The following CDK14 variants were observed in gnomAD, a reference collection of about 807,000 sequenced individuals.
CDK14 encodes cyclin-dependent kinase 14.
Under a neutral mutation model 60.7 loss-of-function variants are expected in CDK14, and 34 were observed. That is an observed-to-expected ratio of 0.56 (90% CI 0.43 to 0.75). The LOEUF (loss-of-function observed/expected upper bound fraction) is 0.75, where lower values mean the gene tolerates loss of function less well. Ranked by LOEUF, CDK14 falls within the 30% of genes least tolerant of loss-of-function variation. The pLI, the probability that CDK14 is intolerant of heterozygous loss-of-function variation, is 0.00. For missense variants in CDK14, 482 were observed against 564.1 expected, an observed-to-expected ratio of 0.85 and a Z score of 1.47; for synonymous variants, 197 against 203.7, an observed-to-expected ratio of 0.97 and a Z score of 0.28.
At chr7:91,092,664 T>A (rs1160648789) in intron 12 of CDK14, among the ~76,000 whole-genome samples, 1 of 152,198 alleles carries the variant, frequency 6.6e-6, no homozygotes, top group Non-Finnish European at 1.5e-5. Context: ...TTTAGGCTGT[T>A]TGATAATAGC....
chr7:91,164,736 T>C (rs1420730636), intron 14 of CDK14, among the ~76,000 whole-genome samples: 1 of 152,212 alleles, frequency 6.6e-6, no homozygotes, highest in South Asian at 2.1e-4. Context: ...CAGATGATTC[T>C]GCACTCCCAA....
chr7:90,639,881 C>G lies in CDK14; in HGVS notation c.123+35632C>G, dbSNP rs17866423. 5.0e-3 allele frequency among the ~76,000 whole-genome samples: 768 copies of G among 152,250 alleles called. 14 individuals carry two copies. The highest frequency in any genetic ancestry group is 0.018 in the African/African-American group (737 of 41,532). ...TGCAGTTTGATCTCAGACTGCTGTG[C>G]TAGCAATCGGCGAGACTCCGTGGGC... On this transcript the variant is annotated intron_variant, in intron 2 of 14. Transcript: ENST00000380050.
rs59773768 is a variant in CDK14, at chr7:90,668,699, C to CTTTTTTTTTTTTTTTTT, written c.124-57857_124-57841dup. 9.1e-5 allele frequency among the ~76,000 whole-genome samples: 8 copies of CTTTTTTTTTTTTTTTTT among 87,538 alleles called. 1 individual carries two copies. The highest frequency in any genetic ancestry group is 3.5e-4 in the African/African-American group (8 of 23,110). The allele number at this position is 87,538 out of a possible 152,430, so 57.4% of individuals were successfully genotyped here. The stretch of plus-strand genomic sequence containing the variant: ...TATGGTGTAAGGAAGGACTCGCATT[C>CTTTTTTTTTTTTTTTTT]TTTTTTTTTTTTTTTTTTTTTTTTT... On this transcript the variant is annotated intron_variant, in intron 2 of 14. Transcript: ENST00000380050.
intron 11 of CDK14, among the ~76,000 whole-genome samples, chr7:91,060,538 C>T (rs1187579624): frequency 1.3e-5 from 2 of 152,136 alleles, no homozygotes; most frequent in African/African-American, 4.8e-5. Context: ...GTGGCTGGTA[C>T]CGATTGTTCC....
chr7:90,735,479 G>A (rs765870058), intron 3 of CDK14, among the ~76,000 whole-genome samples: 2 of 152,200 alleles, frequency 1.3e-5, no homozygotes, highest in Non-Finnish European at 2.9e-5. Context: ...CCTGACTTGG[G>A]GCTGCTGCCT....
At chr7:90,999,357 G>A (rs963079946) in intron 10 of CDK14, among the ~76,000 whole-genome samples, 1 of 151,968 alleles carries the variant, frequency 6.6e-6, no homozygotes, top group African/African-American at 2.4e-5. Context: ...AGGAGGTCGA[G>A]GTGGGCAGAT....
chr7:90,643,958 G>A (rs1014500576), intron 2 of CDK14, among the ~76,000 whole-genome samples: 5 of 152,306 alleles, frequency 3.3e-5, no homozygotes, highest in East Asian at 1.9e-4. Context: ...ATATTGAAGC[G>A]CCAGTCTCCA....
intron 2 of CDK14, among the ~76,000 whole-genome samples, chr7:90,668,231 C>T (rs1451667180): frequency 1.3e-5 from 2 of 152,122 alleles, no homozygotes; most frequent in Non-Finnish European, 2.9e-5. Context: ...AGTGACATGT[C>T]TTTGTGATTT....
intron 2 of CDK14, among the ~76,000 whole-genome samples, chr7:90,638,960 G>A (rs541854317): frequency 1.1e-3 from 160 of 151,982 alleles, no homozygotes; most frequent in Admixed American, 4.8e-3. Flanking sequence ...CGTAGTTCTC[G>A]AGCCTTGGCT....
chr7:90,819,390 A>G (rs1481094781), intron 5 of CDK14, among the ~76,000 whole-genome samples: 1 of 152,136 alleles, frequency 6.6e-6, no homozygotes, highest in African/African-American at 2.4e-5. Context: ...ACATGCACAT[A>G]AATATACACA....
At chr7:91,190,778 C>G (rs1802336932) in intron 14 of CDK14, among the ~76,000 whole-genome samples, 1 of 149,172 alleles carries the variant, frequency 6.7e-6, no homozygotes, top group South Asian at 2.1e-4. Flanking sequence ...GCGTGAGCCA[C>G]CCCACCCAGC....
At chr7:91,150,894 T>C (rs1330684440) in intron 14 of CDK14, among the ~76,000 whole-genome samples, 2 of 152,314 alleles carry the variant, frequency 1.3e-5, no homozygotes, top group South Asian at 4.1e-4. Context: ...GCCTGAAAGA[T>C]AGATCTGAAT....
At chr7:90,909,250 A>T (rs940306887) in intron 7 of CDK14, among the ~76,000 whole-genome samples, 6 of 152,160 alleles carry the variant, frequency 3.9e-5, no homozygotes, top group African/African-American at 1.4e-4. Flanking sequence ...CTTGACAATG[A>T]CAGAGTAAGA....
At chr7:90,921,546 A>G (rs948977638) in intron 8 of CDK14, among the ~76,000 whole-genome samples, 3 of 152,274 alleles carry the variant, frequency 2.0e-5, no homozygotes, top group African/African-American at 7.2e-5. Flanking sequence ...TGTTTGCACT[A>G]TCTCTAGAAC....
At chr7:90,801,371 T>G (rs1383164049) in intron 5 of CDK14, among the ~76,000 whole-genome samples, 3 of 152,356 alleles carry the variant, frequency 2.0e-5, no homozygotes, top group East Asian at 3.8e-4. Context: ...GTTATTGTTA[T>G]TCATTTATTT....
intron 11 of CDK14, among the ~76,000 whole-genome samples, chr7:91,057,812 TGTA>T (rs1797633178): frequency 6.6e-6 from 1 of 152,208 alleles, no homozygotes; most frequent in Non-Finnish European, 1.5e-5. Flanking sequence ...ACTGTAGCCT[TGTA>T]GTATAGTTTG....
intron 5 of CDK14, 22 bp from the exon 6 acceptor site, chr7:90,863,153 C>T (rs756225098): frequency 7.4e-7 from 1 of 1,353,710 alleles, no homozygotes; most frequent in South Asian, 1.2e-5. Flanking sequence ...TAAATTGTTT[C>T]TCTGTCCATT....
chr7:90,908,660 G>A (rs1291443783), intron 7 of CDK14, among the ~76,000 whole-genome samples: 1 of 152,100 alleles, frequency 6.6e-6, no homozygotes, highest in Non-Finnish European at 1.5e-5. Flanking sequence ...AGTTCAAGTA[G>A]TAGAGTATAC....
At chr7:90,833,915 A>G (rs1181472934) in intron 5 of CDK14, among the ~76,000 whole-genome samples, 1 of 152,194 alleles carries the variant, frequency 6.6e-6, no homozygotes, top group Non-Finnish European at 1.5e-5. Flanking sequence ...AAATTCCTGT[A>G]AGAATGTAAA....
Sources: allele counts gnomAD v4.1 joint callset (sites outside exome capture counted in the v4.1 genomes callset), GRCh38; gene constraint gnomAD v4.1.1; transcripts MANE v1.5; gene names NCBI Gene and HGNC (gene_info 2026-07-23, HGNC 2026-07-21).